CLEC16A: variants seen among roughly 807,000 people sequenced by gnomAD.
CLEC16A encodes C-type lectin domain containing 16A.
Under a neutral mutation model 109.5 loss-of-function variants are expected in CLEC16A, and 51 were observed. That is an observed-to-expected ratio of 0.47 (90% CI 0.37 to 0.59). The LOEUF (loss-of-function observed/expected upper bound fraction) is 0.59. CLEC16A is among the 20% of genes least tolerant of loss of function. CLEC16A has a pLI of 0.00. For synonymous variants in CLEC16A, 673 were observed against 564.2 expected (o/e 1.19, Z -2.73); for missense variants, 1,339 against 1,394.0 (o/e 0.96, Z 0.63).
chr16:10,949,304 C>G (rs909850103), intron 1 of CLEC16A, among the ~76,000 whole-genome samples: 3 of 152,088 alleles, frequency 2.0e-5, no homozygotes, highest in Non-Finnish European at 4.4e-5. Context: ...CCTAGGCTCC[C>G]ACTATGTCAC....
chr16:10,978,911 A>C (rs1332921682), intron 8 of CLEC16A, among the ~76,000 whole-genome samples: 1 of 152,128 alleles, frequency 6.6e-6, no homozygotes, highest in Non-Finnish European at 1.5e-5. Flanking sequence ...ATTCATTATA[A>C]ACGAGGGGCT....
In CLEC16A at chr16:11,117,657, C is replaced by T. The variant is rs531751180; in HGVS notation, c.2117-2958C>T. 4.6e-5 allele frequency among the ~76,000 whole-genome samples: 7 copies of T among 152,298 alleles called. 1 individual carries two copies. Among genetic ancestry groups the T allele is most frequent in the Admixed American group, 2.0e-4 (3 of 15,296 alleles). On this transcript the variant is annotated intron_variant, in intron 19 of 23. Coordinates refer to ENST00000409790, the MANE Select transcript of CLEC16A (RefSeq NM_015226.3). The stretch of plus-strand genomic sequence containing the variant: ...AATGAAAGTTCTCCCCTTAATACTT[C>T]TCCCACACACACACACTCCTACCCC...
intron 22 of CLEC16A, among the ~76,000 whole-genome samples, chr16:11,166,083 C>G (rs966687249): frequency 3.9e-5 from 6 of 152,234 alleles, no homozygotes; most frequent in African/African-American, 1.4e-4. Context: ...CGTCCCTCTT[C>G]AAGGGCACAG....
At chr16:10,964,552 G>A (rs1378669696) in intron 3 of CLEC16A, among the ~76,000 whole-genome samples, 1 of 152,216 alleles carries the variant, frequency 6.6e-6, no homozygotes, top group Non-Finnish European at 1.5e-5. Flanking sequence ...TCAGAGCGAG[G>A]CACAGGGTCT....
chr16:11,040,728 G>C (rs1478642936), intron 14 of CLEC16A: 2 of 151,958 alleles, frequency 1.3e-5, no homozygotes, highest in African/African-American at 2.4e-5. Flanking sequence ...TGGCCAGACT[G>C]GTCTCGAACT....
chr16:11,015,310 C>A (rs745540687), intron 11 of CLEC16A, among the ~76,000 whole-genome samples: 1 of 150,404 alleles, frequency 6.6e-6, no homozygotes, highest in Non-Finnish European at 1.5e-5. Context: ...TCTGGTTCTG[C>A]GTCAAGATGT....
intron 22 of CLEC16A, among the ~76,000 whole-genome samples, chr16:11,154,613 C>G (rs563528206): frequency 2.3e-4 from 35 of 152,266 alleles, no homozygotes; most frequent in South Asian, 4.1e-4. Context: ...ACCCCTTTGT[C>G]TAAAGACACT....
chr16:11,042,115 G>A, intron 14 of CLEC16A, 139 bp from the exon 15 acceptor site: 1 of 621,614 alleles, frequency 1.6e-6, no homozygotes, highest in Non-Finnish European at 2.9e-6. Flanking sequence ...GGTTCCCACT[G>A]TGTCCCCACT....
intron 10 of CLEC16A, among the ~76,000 whole-genome samples, chr16:10,999,974 C>G (rs1350687740): frequency 6.6e-6 from 1 of 152,128 alleles, no homozygotes; most frequent in Non-Finnish European, 1.5e-5. Flanking sequence ...GTAGTTGGGA[C>G]TACAAGCGCC....
At chr16:11,075,656 C>T (rs191969969) in intron 19 of CLEC16A, among the ~76,000 whole-genome samples, 1 of 152,130 alleles carries the variant, frequency 6.6e-6, no homozygotes, top group Non-Finnish European at 1.5e-5. Flanking sequence ...TGGCTGGTCT[C>T]AAACTCCTGG....
rs539107168 is a variant in CLEC16A, at chr16:11,022,124, C to A, written c.1436+1799C>A. On this transcript the variant is annotated intron_variant, in intron 12 of 23. Transcript: ENST00000409790. The stretch of plus-strand genomic sequence containing the variant: ...TTCTAATGGAAGCTGATTCAGTTGC[C>A]TTGAGTTAGGCCGCATGCAGTCCTG... Among the ~76,000 whole-genome samples the A allele has an allele frequency of 6.6e-5, 10 of 152,190 alleles. No homozygotes were observed. The East Asian group carries it at 1.7e-3, about 27-fold the overall frequency.
At chr16:11,059,598 G>A (rs917195953) in intron 18 of CLEC16A, among the ~76,000 whole-genome samples, 1 of 152,092 alleles carries the variant, frequency 6.6e-6, no homozygotes, top group Non-Finnish European at 1.5e-5. Context: ...GTTTTGGGAG[G>A]CACACTGCTG....
At chr16:11,035,482 C>T (rs565043353) in intron 13 of CLEC16A, among the ~76,000 whole-genome samples, 6 of 151,178 alleles carry the variant, frequency 4.0e-5, no homozygotes, top group East Asian at 2.0e-4. Context: ...CGTTAACCAG[C>T]GGGGATCATG....
chr16:11,126,283 T>G (rs764725832), intron 22 of CLEC16A, 137 bp downstream of exon 22: 8 of 1,549,366 alleles, frequency 5.2e-6, no homozygotes, highest in Non-Finnish European at 1.7e-6. Flanking sequence ...CTTCTTAGAA[T>G]TTGTCAAAGC....
At chr16:11,064,724 C>A (rs1166061102) in intron 19 of CLEC16A, among the ~76,000 whole-genome samples, 1 of 152,148 alleles carries the variant, frequency 6.6e-6, no homozygotes, top group African/African-American at 2.4e-5. Flanking sequence ...CTGCAGTGAA[C>A]CCTGATCATG....
chr16:11,094,551 C>A (rs200021481), intron 19 of CLEC16A, among the ~76,000 whole-genome samples: 22 of 152,326 alleles, frequency 1.4e-4, no homozygotes, highest in African/African-American at 3.8e-4. Context: ...CACCTCCCCC[C>A]CTACAACTTT....
chr16:11,033,715 G>A (rs143218631), intron 13 of CLEC16A, among the ~76,000 whole-genome samples: 21 of 152,196 alleles, frequency 1.4e-4, no homozygotes, highest in African/African-American at 3.9e-4. Flanking sequence ...TAAAAGCCAC[G>A]TTCATAAAAA....
chr16:10,992,462 C>G (rs2044077490), intron 10 of CLEC16A, among the ~76,000 whole-genome samples: 1 of 151,772 alleles, frequency 6.6e-6, no homozygotes, highest in African/African-American at 2.4e-5. Context: ...CTGATGTGAT[C>G]ATTACATGAC....
intron 11 of CLEC16A, among the ~76,000 whole-genome samples, chr16:11,008,948 G>A (rs974337496): frequency 1.3e-5 from 2 of 152,020 alleles, no homozygotes; most frequent in Admixed American, 6.5e-5. Context: ...GCAGTGAGCC[G>A]AGATCGCGCC....
Sources: allele counts gnomAD v4.1 joint callset (sites outside exome capture counted in the v4.1 genomes callset), GRCh38; gene constraint gnomAD v4.1.1; transcripts MANE v1.5; gene names NCBI Gene and HGNC (gene_info 2026-07-23, HGNC 2026-07-21).